CACNB4: variants seen among roughly 807,000 people sequenced by gnomAD.
The protein encoded by CACNB4 is voltage-dependent L-type calcium channel subunit beta-4.
CACNB4 carries 32 observed loss-of-function variants against 71.2 expected under a neutral mutation model. That is an observed-to-expected ratio of 0.45 (90% CI 0.34 to 0.60). The LOEUF is 0.60. Among genes scored for constraint, CACNB4 ranks in the 20% least tolerant of loss-of-function variants. CACNB4 has a pLI of 0.01. For synonymous variants in CACNB4, 231 were observed against 236.9 expected, an observed-to-expected ratio of 0.97 and a Z score of 0.23; for missense variants, 464 against 647.9, an observed-to-expected ratio of 0.72 and a Z score of 3.08.
chr2:151,924,260 A>G lies in CACNB4; in HGVS notation c.148-40890T>C, dbSNP rs1384242187. On this transcript the variant is annotated intron_variant, in intron 2 of 13. Coordinates refer to ENST00000539935, the MANE Select transcript of CACNB4 (RefSeq NM_000726.5). ...CTCCCGGCTAATTATTTGTATTTTT[A>G]GTAGAGATGGGGTTTCACCGTGTTA... 4.0e-5 allele frequency among the ~76,000 whole-genome samples: 6 copies of G among 151,126 alleles called. No homozygotes were observed. The East Asian group carries it at 1.2e-3, about 29-fold the overall frequency.
At chr2:151,908,805 T>C (rs944845257) in intron 2 of CACNB4, among the ~76,000 whole-genome samples, 1 of 152,134 alleles carries the variant, frequency 6.6e-6, no homozygotes, top group Admixed American at 6.5e-5. Context: ...GTAAAGGTTA[T>C]CAGGCACAGG....
At chr2:151,972,296 A>G (rs1205268203) in intron 2 of CACNB4, 1 of 152,328 alleles carries the variant, frequency 6.6e-6, no homozygotes, top group Admixed American at 6.5e-5. Context: ...AATAAAACTT[A>G]CAATTCACAA....
intron 2 of CACNB4, among the ~76,000 whole-genome samples, chr2:151,884,558 C>T (rs1389146051): frequency 6.7e-6 from 1 of 149,814 alleles, no homozygotes; most frequent in Non-Finnish European, 1.5e-5. Flanking sequence ...TGGCGTGAAC[C>T]CCGGAGGCGG....
At chr2:151,971,744 A>T in intron 2 of CACNB4, 1 of 636,966 alleles carries the variant, frequency 1.6e-6, no homozygotes, top group Non-Finnish European at 2.8e-6. Flanking sequence ...ATTCAGAGTC[A>T]GTTCACCCCT....
chr2:151,997,471 T>C (rs1682120841), intron 2 of CACNB4, among the ~76,000 whole-genome samples: 2 of 151,864 alleles, frequency 1.3e-5, no homozygotes, highest in Non-Finnish European at 2.9e-5. Context: ...GAGGCAGAGC[T>C]TGCAGTGAGC....
At chr2:151,945,759 C>T (rs922889907) in intron 2 of CACNB4, among the ~76,000 whole-genome samples, 2 of 151,688 alleles carry the variant, frequency 1.3e-5, no homozygotes, top group East Asian at 1.9e-4. Context: ...AGCAATAGTA[C>T]GCGCCTGTAG....
intron 2 of CACNB4, among the ~76,000 whole-genome samples, chr2:151,974,815 C>CAAAAAAAA (rs35540920): frequency 7.2e-6 from 1 of 137,996 alleles, no homozygotes; most frequent in Non-Finnish European, 1.5e-5. Context: ...TCTGGTCAAC[C>CAAAAAAAA]AAAAAAAAAA....
chr2:152,037,273 C>T (rs927710463), intron 2 of CACNB4, among the ~76,000 whole-genome samples: 2 of 152,178 alleles, frequency 1.3e-5, no homozygotes, highest in Admixed American at 1.3e-4. Flanking sequence ...AACACACTTG[C>T]TATACCTAAT....
intron 2 of CACNB4, among the ~76,000 whole-genome samples, chr2:152,013,360 C>A (rs1320980240): frequency 6.6e-6 from 1 of 152,102 alleles, no homozygotes; most frequent in Non-Finnish European, 1.5e-5. Context: ...CTAATTCACA[C>A]CAAACATACA....
chr2:151,971,642 G>T, intron 2 of CACNB4: 1 of 702,794 alleles, frequency 1.4e-6, no homozygotes, highest in Non-Finnish European at 2.6e-6. Context: ...TTTAGGCCTA[G>T]TCTTCTCCAT....
intron 2 of CACNB4, among the ~76,000 whole-genome samples, chr2:151,935,789 G>C (rs2099862785): frequency 6.6e-6 from 1 of 152,224 alleles, no homozygotes; most frequent in South Asian, 2.1e-4. Flanking sequence ...AAGGCTATTA[G>C]ATATTCTTCA....
In CACNB4 at chr2:151,869,099, A is replaced by G. The variant is rs767441120; in HGVS notation, c.758+78T>C. On this transcript the variant is annotated intron_variant, in intron 9 of 13. Coordinates refer to ENST00000539935, the MANE Select transcript of CACNB4 (RefSeq NM_000726.5). ...TAGAGAACTTCTGAAATCTCTGGAA[A>G]CATAGATCTACAATTCAATTTATCA... is the stretch of plus-strand genomic sequence containing the variant. 422 of 827,146 alleles carry G rather than the reference A, an allele frequency of 5.1e-4. 2 individuals are homozygous for G. Among genetic ancestry groups the G allele is most frequent in the Non-Finnish European group, 1.0e-4 (50 of 494,558 alleles). 51.2% of individuals were successfully genotyped at this position (827,146 alleles called of 1,614,324 possible). A position where few individuals can be genotyped will look rare whatever the true frequency, so the allele number is the denominator to read the frequency against.
chr2:151,853,831 G>A (rs1215435323), intron 11 of CACNB4: 1 of 289,766 alleles, frequency 3.5e-6, no homozygotes, highest in Non-Finnish European at 6.3e-6. Context: ...CTGTAAAAAT[G>A]GAGGGAGTGG....
At chr2:151,923,177 C>T (rs2099859390) in intron 2 of CACNB4, among the ~76,000 whole-genome samples, 2 of 152,224 alleles carry the variant, frequency 1.3e-5, no homozygotes, top group Admixed American at 6.5e-5. Context: ...CAAACAAAAG[C>T]AACTGCAAGT....
intron 2 of CACNB4, among the ~76,000 whole-genome samples, chr2:152,023,909 T>G (rs1161520979): frequency 6.6e-6 from 1 of 152,260 alleles, no homozygotes; most frequent in Non-Finnish European, 1.5e-5. Context: ...AACTGTGTCC[T>G]GGAGGCACAT....
intron 2 of CACNB4, among the ~76,000 whole-genome samples, chr2:151,898,051 G>T (rs1364638593): frequency 6.6e-6 from 1 of 152,156 alleles, no homozygotes; most frequent in Non-Finnish European, 1.5e-5. Context: ...GACAACTAAA[G>T]GTATTGGCTG....
intron 2 of CACNB4, among the ~76,000 whole-genome samples, chr2:151,960,179 T>C (rs969282345): frequency 2.0e-5 from 3 of 151,708 alleles, no homozygotes; most frequent in Non-Finnish European, 4.4e-5. Context: ...TAAAGACATA[T>C]GCAGTACCTC....
chr2:151,883,388 A>G lies in CACNB4; in HGVS notation c.148-18T>C. 6.2e-7 allele frequency: 1 copy of G among 1,613,412 alleles called. No homozygotes were observed. Among genetic ancestry groups the G allele is most frequent in the Non-Finnish European group, 8.5e-7 (1 of 1,179,470 alleles). On this transcript the variant is annotated intron_variant, in intron 2 of 13. Transcript: ENST00000539935. ...GCTGAACCCTGGCAAAGAAAATAGA[A>G]TAGTTTCAGATGATGTGTAGCTTCT...
chr2:151,876,622 T>C (rs2099846317), intron 4 of CACNB4, 66 bp from the exon 5 acceptor site: 6 of 1,095,356 alleles, frequency 5.5e-6, no homozygotes, highest in Non-Finnish European at 8.0e-6. Context: ...TTATTAATCT[T>C]AGGGGACAAG....
Sources: gnomAD v4.1 joint callset for allele counts (sites outside exome capture counted in the v4.1 genomes callset) on GRCh38, gnomAD v4.1.1 for gene constraint, MANE v1.5 for transcripts, NCBI Gene and HGNC (gene_info 2026-07-23, HGNC 2026-07-21) for gene names.